Variants in HIP1 observed in about 807,000 individuals in gnomAD.
The protein encoded by HIP1 is huntingtin-interacting protein 1.
In HIP1, 65 loss-of-function variants were observed where a neutral mutation model predicts 147.6. The ratio of observed to expected loss-of-function variants is 0.44; its 90% CI spans 0.36 to 0.54. The LOEUF (loss-of-function observed/expected upper bound fraction) is 0.54. Ranked by LOEUF, HIP1 falls within the 20% of genes least tolerant of loss-of-function variation. The probability of loss-of-function intolerance (pLI) is 0.00; values close to 1 mark genes in which losing one functional copy is unlikely to be tolerated. For synonymous variants in HIP1, 479 were observed against 504.0 expected (o/e 0.95, Z 0.67); for missense variants, 1,061 against 1,299.6 (o/e 0.82, Z 2.82).
chr7:75,602,494 CTTTTTTTTTTT>C (rs60265858), intron 1 of HIP1, among the ~76,000 whole-genome samples: 20 of 71,502 alleles, frequency 2.8e-4, no homozygotes, highest in African/African-American at 1.1e-3. Context: ...CAGATATGCT[CTTTTTTTTTTT>C]TTTTTTTTTT....
intron 1 of HIP1, 126 bp from the exon 2 acceptor site, chr7:75,599,373 G>T (rs1796887252): frequency 4.1e-6 from 3 of 737,650 alleles, no homozygotes; most frequent in Non-Finnish European, 7.0e-6. Flanking sequence ...CCCACGGGTG[G>T]TCGGTTCCTC....
chr7:75,646,740 A>T (rs1322223201), intron 1 of HIP1, among the ~76,000 whole-genome samples: 2 of 152,144 alleles, frequency 1.3e-5, no homozygotes, highest in Admixed American at 6.5e-5. Flanking sequence ...ATCTGCTGGG[A>T]TATGTCTGCC....
intron 9 of HIP1, among the ~76,000 whole-genome samples, chr7:75,565,142 G>C (rs587751931): frequency 6.6e-6 from 1 of 152,264 alleles, no homozygotes; most frequent in South Asian, 2.1e-4. Flanking sequence ...CCAGGGTCTC[G>C]TTACAGCCTG....
In HIP1 at chr7:75,554,518, G is replaced by C. The variant is rs1554492818; in HGVS notation, c.1972C>G (p.Leu658Val). The C allele has an allele frequency of 1.2e-6, 2 of 1,613,504 alleles. No homozygotes were observed. Among genetic ancestry groups the C allele is most frequent in the Non-Finnish European group, 1.7e-6 (2 of 1,179,604 alleles). ...CTGGAAATGGATGTGACCGTGGAGA[G>C]GAGGTGATCTGTGAGAGGGAACACA... ...ISCAGSADHLLSTVTSISSCI... is the reference protein window; with the variant it reads ...ISCAGSADHLVSTVTSISSCI... The change falls in exon 20 of 31, where the codon CTC becomes GTC. Residue 658 changes from leucine (L) to valine (V), a missense_variant. Transcript: ENST00000336926.
intron 1 of HIP1, among the ~76,000 whole-genome samples, chr7:75,612,129 G>C (rs782473945): frequency 6.6e-5 from 10 of 152,202 alleles, no homozygotes; most frequent in African/African-American, 2.4e-4. Context: ...GATGTGCCCC[G>C]GGTGGGGGTG....
chr7:75,576,578 C>T (rs1795852958), intron 7 of HIP1, among the ~76,000 whole-genome samples: 1 of 152,062 alleles, frequency 6.6e-6, no homozygotes, highest in South Asian at 2.1e-4. Flanking sequence ...AAAAATTGGC[C>T]AGGTGTGGTA....
chr7:75,614,518 T>A (rs369684937), intron 1 of HIP1, among the ~76,000 whole-genome samples: 1 of 89,104 alleles, frequency 1.1e-5, no homozygotes, highest in African/African-American at 2.8e-5. Context: ...AATGGGCAGA[T>A]CCATAGAGAC....
chr7:75,561,750 T>C (rs1795236542), intron 12 of HIP1, among the ~76,000 whole-genome samples: 1 of 152,162 alleles, frequency 6.6e-6, no homozygotes, highest in Non-Finnish European at 1.5e-5. Context: ...TCAAATGATC[T>C]TCCCACTTCA....
Position 75,611,241 on chromosome 7 carries a change from C to T in HIP1, c.121-11994G>A, listed in dbSNP as rs587675464. On this transcript the variant is annotated intron_variant, in intron 1 of 30. Coordinates refer to ENST00000336926, the MANE Select transcript of HIP1 (RefSeq NM_005338.7). ...CAGCACTTTGGGAGGCTGAGATGGG[C>T]GGATTACTTGAGGTTCGGAGTTCAA... Among the ~76,000 whole-genome samples, 16 of 151,446 alleles carry T rather than the reference C, an allele frequency of 1.1e-4. No homozygotes were observed. The East Asian group carries it at 2.4e-3, about 22-fold the overall frequency.
In HIP1 at chr7:75,573,788, C is replaced by A. The variant is rs1279746494; in HGVS notation, c.718G>T (p.Val240Phe). 1.2e-6 allele frequency: 2 copies of A among 1,613,994 alleles called. No homozygotes were observed. The highest frequency in any genetic ancestry group is 1.7e-6 in the Non-Finnish European group (2 of 1,180,002). Residue 240 changes from valine to phenylalanine, a missense_variant, in exon 8 of 31, where the codon GTC becomes TTC. Val to Phe is a conservative substitution (Grantham distance 50). This residue lies in a region of HIP1 where 26 missense variants were observed against 59.9 expected (regional missense o/e 0.43). Transcript: ENST00000336926. ...GAGTGGAGTTTGAAGAGAAGCTTGA[C>A]AGTGTAGTCATAAAGGTGGCTGCAG... ...LDCSHLYDYT[V>F]KLLFKLHSCL...
chr7:75,681,497 CT>C (rs10546838), intron 1 of HIP1, among the ~76,000 whole-genome samples: 2 of 124,266 alleles, frequency 1.6e-5, no homozygotes, highest in Non-Finnish European at 3.3e-5. Flanking sequence ...ACAGCACCTG[CT>C]TTTTTTTTTT....
Position 75,535,772 on chromosome 7 carries a change from C to T in HIP1, c.*2400G>A, listed in dbSNP as rs1247802018. The T allele has an allele frequency of 4.7e-5, 8 of 171,222 alleles. No individual in the cohort carries two copies. The highest frequency in any genetic ancestry group is 5.0e-5 in the Non-Finnish European group (4 of 79,414). 10.6% of individuals were successfully genotyped at this position (171,222 alleles called of 1,614,324 possible). A position where few individuals can be genotyped will look rare whatever the true frequency, so the allele number is the denominator to read the frequency against. On this transcript the variant is annotated 3_prime_UTR_variant, in exon 31 of 31. Transcript: ENST00000336926. ...TGTTGCCCAGGCTGGAGTACAATGGCGTGATCTCAGCTCACTGCAACCTCT... is the reference window on the plus strand; with the variant it reads ...TGTTGCCCAGGCTGGAGTACAATGGTGTGATCTCAGCTCACTGCAACCTCT...
intron 1 of HIP1, among the ~76,000 whole-genome samples, chr7:75,663,932 G>GTATATATATATACACATATA (rs1799396592): frequency 7.6e-5 from 5 of 65,930 alleles, no homozygotes; most frequent in African/African-American, 8.2e-5. Context: ...TTATGTATGT[G>GTATATATATATACACATATA]TGTATATATA....
intron 1 of HIP1, among the ~76,000 whole-genome samples, chr7:75,608,466 G>A (rs753988225): frequency 2.1e-4 from 32 of 152,154 alleles, no homozygotes; most frequent in Non-Finnish European, 3.2e-4. Flanking sequence ...AAGGCCATGC[G>A]TGAAACACTA....
chr7:75,700,477 G>A (rs1417135162), intron 1 of HIP1, among the ~76,000 whole-genome samples: 9 of 152,156 alleles, frequency 5.9e-5, no homozygotes, highest in African/African-American at 2.2e-4. Context: ...AAGATGACAG[G>A]TCTCCTGTCC....
chr7:75,612,282 G>T (rs782674813), intron 1 of HIP1, among the ~76,000 whole-genome samples: 1 of 152,174 alleles, frequency 6.6e-6, no homozygotes, highest in Non-Finnish European at 1.5e-5. Flanking sequence ...GGCGGAGGTG[G>T]GCGGATCACC....
intron 1 of HIP1, among the ~76,000 whole-genome samples, chr7:75,652,092 G>C (rs1194999238): frequency 2.0e-5 from 3 of 151,394 alleles, no homozygotes; most frequent in African/African-American, 7.3e-5. Context: ...AAGGCAGGTG[G>C]ATCACCTGAG....
chr7:75,621,317 C>T (rs912306934), intron 1 of HIP1, among the ~76,000 whole-genome samples: 10 of 96,754 alleles, frequency 1.0e-4, no homozygotes, highest in Admixed American at 9.7e-4. Flanking sequence ...TGGCTAGAGC[C>T]GGAAGTCAGG....
chr7:75,659,987 A>G (rs1485948352), intron 1 of HIP1, among the ~76,000 whole-genome samples: 4 of 151,702 alleles, frequency 2.6e-5, no homozygotes, highest in East Asian at 2.0e-4. Context: ...TTAGCTGGGC[A>G]TGGTGGTGCG....
Sources: gnomAD v4.1 joint callset for allele counts (sites outside exome capture counted in the v4.1 genomes callset) on GRCh38, gnomAD v4.1.1 for gene constraint, gnomAD v4.1.1 regional missense constraint, MANE v1.5 for transcripts, NCBI Gene and HGNC (gene_info 2026-07-23, HGNC 2026-07-21) for gene names.